The following AFG2A variants were observed in gnomAD, a reference collection of about 807,000 sequenced individuals.
AFG2A encodes the protein AAA ATPase AFG2A.
chr4:123,170,005 G>T, the AFG2A span, among the ~76,000 whole-genome samples: 75,793 of 152,000 alleles, frequency 0.5, 23,351 homozygotes, highest in Non-Finnish European at 0.67. Context: ...GTGAACTCTG[G>T]GTAGAAACAG....
the AFG2A span, among the ~76,000 whole-genome samples, chr4:123,243,077 C>G: frequency 6.6e-6 from 1 of 152,110 alleles, no homozygotes; most frequent in Non-Finnish European, 1.5e-5. Flanking sequence ...GAATGGTGAT[C>G]ATTAAAAAGT....
At chr4:122,992,455 A>T in the AFG2A span, among the ~76,000 whole-genome samples, 2 of 152,254 alleles carry the variant, frequency 1.3e-5, no homozygotes, top group African/African-American at 4.8e-5. Flanking sequence ...ATTCCTAAAA[A>T]TTCAGTTTCC....
At chr4:122,999,577 A>G in the AFG2A span, among the ~76,000 whole-genome samples, 1 of 152,058 alleles carries the variant, frequency 6.6e-6, no homozygotes, top group East Asian at 1.9e-4. Context: ...TCCTTTCCCC[A>G]TTGCTTGTTT....
the AFG2A span, among the ~76,000 whole-genome samples, chr4:123,301,543 A>G: frequency 6.6e-5 from 10 of 152,104 alleles, no homozygotes; most frequent in Admixed American, 5.2e-4. Flanking sequence ...GCTAGATGGG[A>G]AAAAAAAGAA....
chr4:123,306,891 T>A, the AFG2A span, among the ~76,000 whole-genome samples: 2 of 152,212 alleles, frequency 1.3e-5, no homozygotes, highest in Non-Finnish European at 1.5e-5. Context: ...GGTAGTTGGC[T>A]AGTAATTCAT....
the AFG2A span, chr4:122,933,389 T>C: frequency 6.9e-7 from 1 of 1,442,138 alleles, no homozygotes; most frequent in South Asian, 1.2e-5. Flanking sequence ...CACAGTTTAG[T>C]TTCTGGTGTA....
the AFG2A span, among the ~76,000 whole-genome samples, chr4:123,033,851 G>A: frequency 6.6e-6 from 1 of 152,116 alleles, no homozygotes; most frequent in East Asian, 1.9e-4. Flanking sequence ...GCTTTGGGGA[G>A]CATTATGCTT....
the AFG2A span, among the ~76,000 whole-genome samples, chr4:122,953,161 G>T: frequency 6.6e-6 from 1 of 152,104 alleles, no homozygotes; most frequent in South Asian, 2.1e-4. Context: ...TGTCCATTTC[G>T]CATTCCCCTT....
At chr4:123,097,911 G>A in the AFG2A span, among the ~76,000 whole-genome samples, 1 of 152,080 alleles carries the variant, frequency 6.6e-6, no homozygotes, top group South Asian at 2.1e-4. Flanking sequence ...ATATTTAAAT[G>A]ATTAGGAAAA....
chr4:123,220,557 T>C, the AFG2A span, among the ~76,000 whole-genome samples: 3 of 132,410 alleles, frequency 2.3e-5, no homozygotes, highest in Non-Finnish European at 3.0e-5. Context: ...GGGGTTGCAG[T>C]GAGCTGAGAT....
chr4:123,188,311 C>A, the AFG2A span, among the ~76,000 whole-genome samples: 1 of 151,972 alleles, frequency 6.6e-6, no homozygotes, highest in African/African-American at 2.4e-5. Context: ...AACTATAAGC[C>A]ATTTTTCTAC....
the AFG2A span, among the ~76,000 whole-genome samples, chr4:123,285,307 G>A: frequency 9.9e-5 from 15 of 151,968 alleles, 1 homozygote; most frequent in Admixed American, 2.0e-4. Flanking sequence ...GTCTTTTATA[G>A]ACCCATCTCC....
At chr4:122,988,588 G>A in the AFG2A span, among the ~76,000 whole-genome samples, 21 of 151,910 alleles carry the variant, frequency 1.4e-4, no homozygotes, top group East Asian at 1.9e-4. Flanking sequence ...TAGTAGAGAC[G>A]GAGTTTCATA....
chr4:122,943,041 A>T, the AFG2A span, among the ~76,000 whole-genome samples: 1 of 151,702 alleles, frequency 6.6e-6, no homozygotes, highest in Non-Finnish European at 1.5e-5. Flanking sequence ...TGCTGAGGAG[A>T]GCTTTACTTC....
chr4:123,126,394 G>A, the AFG2A span, among the ~76,000 whole-genome samples: 1 of 152,054 alleles, frequency 6.6e-6, no homozygotes, highest in African/African-American at 2.4e-5. Context: ...ACCTAGCTTA[G>A]TTCTTGATGT....
chr4:122,973,477 C>A, the AFG2A span, among the ~76,000 whole-genome samples: 1 of 143,070 alleles, frequency 7.0e-6, no homozygotes, highest in African/African-American at 2.6e-5. Flanking sequence ...TTTTTTTTTT[C>A]ATTCTTTTGG....
chr4:123,001,253 A>G, the AFG2A span, among the ~76,000 whole-genome samples: 2 of 152,112 alleles, frequency 1.3e-5, no homozygotes, highest in Non-Finnish European at 2.9e-5. Context: ...TCCAAAAACC[A>G]GCTCCTGGAT....
the AFG2A span, among the ~76,000 whole-genome samples, chr4:123,210,184 AAT>A: frequency 1.3e-5 from 2 of 152,230 alleles, no homozygotes; most frequent in Non-Finnish European, 2.9e-5. Flanking sequence ...CAAGCTACCT[AAT>A]ATATGTTTTA....
At chr4:123,111,314 G>A in the AFG2A span, among the ~76,000 whole-genome samples, 3 of 152,192 alleles carry the variant, frequency 2.0e-5, no homozygotes, top group South Asian at 6.2e-4. Flanking sequence ...TTTCTGAGTA[G>A]CATAGACCCA....
Sources: allele counts gnomAD v4.1 joint callset (sites outside exome capture counted in the v4.1 genomes callset), GRCh38; gene constraint gnomAD v4.1.1; transcripts MANE v1.5; gene names NCBI Gene and HGNC (gene_info 2026-07-23, HGNC 2026-07-21).